UGT2B28: variants seen among roughly 807,000 people sequenced by gnomAD.
The protein encoded by UGT2B28 is UDP-glucuronosyltransferase 2B28.
A neutral mutation model predicts 43.6 loss-of-function variants in UGT2B28; 45 were observed. The ratio of observed to expected loss-of-function variants is 1.03; its 90% CI spans 0.81 to 1.32. The LOEUF (loss-of-function observed/expected upper bound fraction) is 1.32, where lower values mean the gene tolerates loss of function less well. Ranked by LOEUF, UGT2B28 falls within the 40% of genes most tolerant of loss-of-function variation. UGT2B28 has a pLI of 0.00. For missense variants in UGT2B28, 649 were observed against 625.5 expected (o/e 1.04, Z -0.40); for synonymous variants, 204 against 208.1 (o/e 0.98, Z 0.17).
intron 1 of UGT2B28, 37 bp downstream of exon 1, chr4:69,281,258 C>G: frequency 6.9e-7 from 1 of 1,459,466 alleles, no homozygotes; most frequent in East Asian, 2.3e-5. Flanking sequence ...GAAGATCTAA[C>G]TTATTTGTGT....
At position 69,282,276 on chromosome 4, in the gene UGT2B28, T is replaced by C. The variant is rs1723635952; in HGVS notation, c.722-238T>C. Among the ~76,000 whole-genome samples the C allele has an allele frequency of 1.4e-5, 2 of 140,140 alleles. 1 individual carries two copies. The highest frequency in any genetic ancestry group is 3.0e-5 in the Non-Finnish European group (2 of 65,596). The allele number at this position is 140,140 out of a possible 152,430, so 91.9% of individuals were successfully genotyped here. A position where few individuals can be genotyped will look rare whatever the true frequency, so the allele number is the denominator to read the frequency against. On this transcript the variant is annotated intron_variant, in intron 1 of 5. Coordinates refer to ENST00000335568, the MANE Select transcript of UGT2B28 (RefSeq NM_053039.2). ...AATTGTGAGTACACTGACTTGACAT[T>C]AGAGATGTCGCTTAACTTCATAATT... is the stretch of plus-strand genomic sequence containing the variant.
chr4:69,288,785 A>C (rs1382099578), intron 3 of UGT2B28, among the ~76,000 whole-genome samples: 1 of 139,518 alleles, frequency 7.2e-6, no homozygotes, highest in Non-Finnish European at 1.5e-5. Context: ...TGTTGTTGCC[A>C]TCTATGTATC....
rs749573132 is a variant in UGT2B28 at position 69,286,742 on chromosome 4, T to C, written c.871-10T>C. The C allele has an allele frequency of 2.8e-5, 43 of 1,553,978 alleles. 6 individuals carry two copies. The East Asian group carries it at 9.9e-4, about 36-fold the overall frequency. On this transcript the variant is annotated splice_polypyrimidine_tract_variant and intron_variant, in intron 2 of 5. Transcript: ENST00000335568. ...ATACTCTTTTGTGATTAAACAATTT[T>C]TTTTCACAGGAAATGGAGGAATTTG... is the stretch of plus-strand genomic sequence containing the variant.
chr4:69,294,612 G>T lies in UGT2B28; in HGVS notation c.1393G>T (p.Glu465Ter), dbSNP rs772395262. Residue 465 changes from glutamate to a stop codon, truncating the protein, a stop_gained, in exon 6 of 6, where the codon GAA becomes TAA. Transcript: ENST00000335568. LOFTEE classifies it low-confidence loss of function (END_TRUNC). ...KPLHRAVFWI[E>*]FVMCHKGAKH... Reference sequence around the variant, plus strand: ...CCTGCATCGAGCAGTCTTCTGGATTGAATTTGTGATGTGCCACAAAGGAGC... The same window carrying T: ...CCTGCATCGAGCAGTCTTCTGGATTTAATTTGTGATGTGCCACAAAGGAGC... The T allele has an allele frequency of 2.6e-6, 4 of 1,552,816 alleles. No individual in the cohort carries two copies. The highest frequency in any genetic ancestry group is 3.5e-6 in the Non-Finnish European group (4 of 1,150,764).
chr4:69,290,693 G>C lies in UGT2B28; in HGVS notation c.1192G>C (p.Asp398His). Residue 398 changes from aspartate (D) to histidine (H), a missense_variant, in exon 5 of 6, where the codon GAT (aspartate) becomes CAT (histidine). Coordinates refer to ENST00000335568, the MANE Select transcript of UGT2B28 (RefSeq NM_053039.2). ...IPMVGIPLFWDQPDNIAHMKA... is the reference protein window; with the variant it reads ...IPMVGIPLFWHQPDNIAHMKA... ...TATGGTAGGCATTCCATTGTTTTGG[G>C]ATCAACCTGATAACATTGCTCACAT... 5 of 1,559,384 alleles carry C rather than the reference G, an allele frequency of 3.2e-6. 1 individual carries two copies. The highest frequency in any genetic ancestry group is 4.3e-6 in the Non-Finnish European group (5 of 1,155,202).
chr4:69,294,787 G>A lies in UGT2B28; in HGVS notation c.1568G>A (p.Gly523Glu), dbSNP rs1331190005. The A allele has an allele frequency of 3.2e-6, 5 of 1,556,848 alleles. No individual in the cohort carries two copies. The highest frequency in any genetic ancestry group is 4.3e-6 in the Non-Finnish European group (5 of 1,154,132). Residue 523 changes from glycine (G) to glutamate (E), a missense_variant, in exon 6 of 6, where the codon GGG becomes GAG. Physicochemically the swap from Gly to Glu is moderately conservative, Grantham distance 98 (BLOSUM62 -2). Coordinates refer to ENST00000335568, the MANE Select transcript of UGT2B28 (RefSeq NM_053039.2). ...LFCFWKFARK[G>E]KKGKRD ...TGTTTCTGGAAGTTTGCTAGAAAAG[G>A]GAAGAAGGGAAAAAGAGATTAGTTA...
Position 69,287,620 on chromosome 4 carries a change from T to C in UGT2B28, c.1002+737T>C, listed in dbSNP as rs1341806365. 2.2e-5 allele frequency among the ~76,000 whole-genome samples: 3 copies of C among 139,528 alleles called. 1 individual carries two copies. Among genetic ancestry groups the C allele is most frequent in the African/African-American group, 8.4e-5 (3 of 35,512 alleles). 91.5% of individuals were successfully genotyped at this position (139,528 alleles called of 152,430 possible). On this transcript the variant is annotated intron_variant, in intron 3 of 5. Coordinates refer to ENST00000335568, the MANE Select transcript of UGT2B28 (RefSeq NM_053039.2). ...AAGGTGGATCCTGTACAGTATAAAA[T>C]ATGGTCCCACAAGGACTCAGCACTA...
intron 2 of UGT2B28, among the ~76,000 whole-genome samples, chr4:69,283,597 T>G (rs1157089471): frequency 7.1e-6 from 1 of 140,646 alleles, no homozygotes; most frequent in Admixed American, 7.1e-5. Flanking sequence ...CAACTTCATA[T>G]TGTGTTGTGT....
At position 69,293,314 on chromosome 4, in the gene UGT2B28, C is replaced by G. The variant is rs1370981936; in HGVS notation, c.1311-1216C>G. On this transcript the variant is annotated intron_variant, in intron 5 of 5. Transcript: ENST00000335568. ...AGGCAGATTGTGATAGCCTATACCACGACCTGAACAGTAGGTAAATTGGTA... is the reference window on the plus strand; with the variant it reads ...AGGCAGATTGTGATAGCCTATACCAGGACCTGAACAGTAGGTAAATTGGTA... Among the ~76,000 whole-genome samples, 2 of 140,440 alleles carry G rather than the reference C, an allele frequency of 1.4e-5. 1 individual carries two copies. The highest frequency in any genetic ancestry group is 5.6e-5 in the African/African-American group (2 of 35,962). The allele number at this position is 140,440 out of a possible 152,430, so 92.1% of individuals were successfully genotyped here.
chr4:69,284,321 T>C lies in UGT2B28; in HGVS notation c.870+1659T>C, dbSNP rs555271185. 1.9e-4 allele frequency among the ~76,000 whole-genome samples: 27 copies of C among 141,176 alleles called. 4 individuals carry two copies. In the East Asian group the frequency reaches 4.1e-3, roughly 21 times the overall value. The allele number at this position is 141,176 out of a possible 152,430, so 92.6% of individuals were successfully genotyped here. A position where few individuals can be genotyped will look rare whatever the true frequency, so the allele number is the denominator to read the frequency against. ...TTTTTGAAGGAACAGAAAAATCTCA[T>C]ATATTTTAAATTAATATCACATTTT... On this transcript the variant is annotated intron_variant, in intron 2 of 5. Transcript: ENST00000335568.
Position 69,286,848 on chromosome 4 carries a change from G to A in UGT2B28, c.967G>A (p.Val323Ile), listed in dbSNP as rs371477713. The change falls in exon 3 of 6, where the codon GTA (valine) becomes ATA (isoleucine). Residue 323 changes from valine (V) to isoleucine (I), a missense_variant. Val to Ile is a conservative substitution (Grantham distance 29). Coordinates refer to ENST00000335568, the MANE Select transcript of UGT2B28 (RefSeq NM_053039.2). ...ISNMTAERAN[V>I]IATALAKIPQ... ...TAACATGACAGCAGAAAGGGCCAAC[G>A]TAATTGCAACAGCCCTTGCCAAGAT... is the stretch of plus-strand genomic sequence containing the variant. 2.6e-6 allele frequency: 4 copies of A among 1,556,220 alleles called. No individual in the cohort carries two copies. The highest frequency in any genetic ancestry group is 2.3e-5 in the East Asian group (1 of 43,442).
chr4:69,283,297 A>C (rs1210590611), intron 2 of UGT2B28, among the ~76,000 whole-genome samples: 1 of 139,984 alleles, frequency 7.1e-6, no homozygotes, highest in Non-Finnish European at 1.5e-5. Context: ...AATGATTAAG[A>C]ATCTAGATCA....
rs1447453993 is a variant in UGT2B28 at position 69,287,076 on chromosome 4, G to T, written c.1002+193G>T. 1.0e-4 allele frequency among the ~76,000 whole-genome samples: 14 copies of T among 138,348 alleles called. 2 individuals are homozygous for T. The highest frequency in any genetic ancestry group is 5.0e-4 in the South Asian group (2 of 3,966). 90.8% of individuals were successfully genotyped at this position (138,348 alleles called of 152,430 possible). A position where few individuals can be genotyped will look rare whatever the true frequency, so the allele number is the denominator to read the frequency against. ...TTAGTGGTTACATGTGGCCCTGGGGGTGTTACTACCCTTGGTATGCATGAG... is the reference window on the plus strand; with the variant it reads ...TTAGTGGTTACATGTGGCCCTGGGGTTGTTACTACCCTTGGTATGCATGAG... On this transcript the variant is annotated intron_variant, in intron 3 of 5. Transcript: ENST00000335568.
rs1430452864 is a variant in UGT2B28, at chr4:69,281,407, A to T, written c.721+186A>T. On this transcript the variant is annotated intron_variant, in intron 1 of 5. Coordinates refer to ENST00000335568, the MANE Select transcript of UGT2B28 (RefSeq NM_053039.2). ...AAGCTTAAATTATAAGGTCTGTTAA[A>T]ACCCTGTGGCCATCACTCATACAGA... 1.4e-5 allele frequency among the ~76,000 whole-genome samples: 2 copies of T among 140,464 alleles called. 1 individual carries two copies. Among genetic ancestry groups the T allele is most frequent in the Non-Finnish European group, 3.0e-5 (2 of 65,742 alleles). The allele number at this position is 140,464 out of a possible 152,430, so 92.1% of individuals were successfully genotyped here.
chr4:69,283,540 T>C (rs1344406388), intron 2 of UGT2B28, among the ~76,000 whole-genome samples: 2 of 140,528 alleles, frequency 1.4e-5, no homozygotes, highest in Non-Finnish European at 3.0e-5. Context: ...AAAAGTGGAC[T>C]AGAAAGTTGA....
chr4:69,280,616 T>C lies in UGT2B28; in HGVS notation c.116T>C (p.Met39Thr). The change falls in exon 1 of 6, where the codon ATG (methionine) becomes ACG (threonine). Residue 39 changes from methionine (M) to threonine (T), a missense_variant. Transcript: ENST00000335568. ...WTGEYSHWMNMKTILKELVQR... is the reference protein window; with the variant it reads ...WTGEYSHWMNTKTILKELVQR... Reference sequence around the variant, plus strand: ...GGTGAATACAGCCATTGGATGAATATGAAGACAATCCTGAAAGAGCTTGTT... The same window carrying C: ...GGTGAATACAGCCATTGGATGAATACGAAGACAATCCTGAAAGAGCTTGTT... The C allele has an allele frequency of 6.4e-7, 1 of 1,561,140 alleles. No homozygotes were observed. Among genetic ancestry groups the C allele is most frequent in the Non-Finnish European group, 8.7e-7 (1 of 1,156,038 alleles).
chr4:69,288,931 T>C (rs992974078), intron 3 of UGT2B28, among the ~76,000 whole-genome samples: 1 of 141,050 alleles, frequency 7.1e-6, no homozygotes, highest in African/African-American at 2.8e-5. Context: ...TTTGTTTTTT[T>C]ATGGCTGCAT....
At chr4:69,291,387 T>C (rs1723951462) in intron 5 of UGT2B28, among the ~76,000 whole-genome samples, 1 of 140,728 alleles carries the variant, frequency 7.1e-6, no homozygotes, top group Non-Finnish European at 1.5e-5. Flanking sequence ...AAATCACTTC[T>C]CATAACTGCT....
chr4:69,283,473 A>G lies in UGT2B28; in HGVS notation c.870+811A>G, dbSNP rs563338360. Among the ~76,000 whole-genome samples the G allele has an allele frequency of 3.6e-5, 5 of 140,476 alleles. 2 individuals are homozygous for G. Among genetic ancestry groups the G allele is most frequent in the African/African-American group, 1.4e-4 (5 of 36,126 alleles). The allele number at this position is 140,476 out of a possible 152,430, so 92.2% of individuals were successfully genotyped here. On this transcript the variant is annotated intron_variant, in intron 2 of 5. Coordinates refer to ENST00000335568, the MANE Select transcript of UGT2B28 (RefSeq NM_053039.2). ...ATGGATTAAATTACAGAAGGGCCAC[A>G]CTGTAAAGAGCCAACCATTTAGGAA...
Sources: allele counts gnomAD v4.1 joint callset (sites outside exome capture counted in the v4.1 genomes callset), GRCh38; gene constraint gnomAD v4.1.1; transcripts MANE v1.5; gene names NCBI Gene and HGNC (gene_info 2026-07-23, HGNC 2026-07-21).